The following CAMKMT variants were observed in gnomAD, a reference collection of about 807,000 sequenced individuals.
The protein encoded by CAMKMT is CaM KMT.
A neutral mutation model predicts 48.0 loss-of-function variants in CAMKMT; 53 were observed. That is an observed-to-expected ratio of 1.10 (90% CI 0.89 to 1.39). CAMKMT has a LOEUF of 1.39. CAMKMT is among the 40% of genes most tolerant of loss of function. The pLI, the probability that CAMKMT is intolerant of heterozygous loss-of-function variation, is 0.00. For synonymous variants in CAMKMT, 165 were observed against 152.3 expected (o/e 1.08, Z -0.61); for missense variants, 428 against 402.7 (o/e 1.06, Z -0.54).
chr2:44,766,667 A>G (rs1190914318), intron 10 of CAMKMT, 106 bp downstream of exon 10: 1 of 1,216,524 alleles, frequency 8.2e-7, no homozygotes, highest in Non-Finnish European at 1.2e-6. Flanking sequence ...AGTACTCCTT[A>G]GATGTGTTGC....
At chr2:44,525,336 A>G (rs886289676) in intron 3 of CAMKMT, among the ~76,000 whole-genome samples, 2 of 151,984 alleles carry the variant, frequency 1.3e-5, no homozygotes, top group African/African-American at 2.4e-5. Flanking sequence ...GCTCACTGCA[A>G]CCTCTGCCTC....
intron 3 of CAMKMT, among the ~76,000 whole-genome samples, chr2:44,429,664 G>T (rs1375001200): frequency 6.6e-6 from 1 of 151,756 alleles, no homozygotes; most frequent in Non-Finnish European, 1.5e-5. Context: ...AGCCGGGCGC[G>T]GTGGCGGGCG....
At chr2:44,718,930 C>G (rs1350168984) in intron 7 of CAMKMT, among the ~76,000 whole-genome samples, 1 of 152,084 alleles carries the variant, frequency 6.6e-6, no homozygotes, top group Non-Finnish European at 1.5e-5. Flanking sequence ...GGTTATTGGT[C>G]CCATTGCCCT....
chr2:44,497,727 G>C (rs1669820396), intron 3 of CAMKMT, among the ~76,000 whole-genome samples: 1 of 151,790 alleles, frequency 6.6e-6, no homozygotes, highest in Non-Finnish European at 1.5e-5. Context: ...GAGAGAGAGA[G>C]AGAGAGAGAG....
intron 3 of CAMKMT, among the ~76,000 whole-genome samples, chr2:44,476,369 T>C (rs1030426241): frequency 6.6e-6 from 1 of 152,176 alleles, no homozygotes; most frequent in Non-Finnish European, 1.5e-5. Context: ...TTCTACAGTT[T>C]TGCATAGTAT....
intron 3 of CAMKMT, among the ~76,000 whole-genome samples, chr2:44,532,575 A>C (rs936039): frequency 0.7 from 105,653 of 151,988 alleles, 37,325 homozygotes; most frequent in South Asian, 0.76. Context: ...CTGGGGAAAA[A>C]TGGCATGGAA....
intron 2 of CAMKMT, among the ~76,000 whole-genome samples, chr2:44,389,792 T>G (rs1312500114): frequency 6.6e-6 from 1 of 152,202 alleles, no homozygotes; most frequent in Non-Finnish European, 1.5e-5. Flanking sequence ...GTAGATGGAA[T>G]AGCAGACCTG....
At chr2:44,672,855 A>G (rs1573042029) in intron 3 of CAMKMT, among the ~76,000 whole-genome samples, 1 of 152,108 alleles carries the variant, frequency 6.6e-6, no homozygotes, top group Admixed American at 6.6e-5. Context: ...TATTAGTTTG[A>G]GGGTTAGATG....
At chr2:44,701,945 T>A (rs192016448) in intron 3 of CAMKMT, among the ~76,000 whole-genome samples, 29 of 152,262 alleles carry the variant, frequency 1.9e-4, no homozygotes, top group Admixed American at 1.4e-3. Context: ...AGTGATTATA[T>A]CCTAGTGGTC....
rs114375550 is a variant in CAMKMT, at chr2:44,517,595, T to A, written c.376+127290T>A. Among the ~76,000 whole-genome samples, 1,139 of 152,350 alleles carry A rather than the reference T, an allele frequency of 7.5e-3. 16 individuals are homozygous for A. The highest frequency in any genetic ancestry group is 0.026 in the African/African-American group (1,096 of 41,580). On this transcript the variant is annotated intron_variant, in intron 3 of 10. Transcript: ENST00000378494. ...GAGTATAGTGAGGACTGTCCAGCCT[T>A]TCTGCAATCTCCAAGTAATCAGAAA...
chr2:44,623,027 G>A (rs867613927), intron 3 of CAMKMT, among the ~76,000 whole-genome samples: 1 of 152,062 alleles, frequency 6.6e-6, no homozygotes, highest in Non-Finnish European at 1.5e-5. Flanking sequence ...AACAAAAGCT[G>A]TTCTGACCAG....
intron 7 of CAMKMT, among the ~76,000 whole-genome samples, chr2:44,724,816 G>C (rs1462964178): frequency 2.0e-5 from 3 of 152,176 alleles, no homozygotes; most frequent in Non-Finnish European, 4.4e-5. Context: ...GATTCAACAA[G>C]AAGCACATAT....
chr2:44,578,974 G>A (rs984328819), intron 3 of CAMKMT, among the ~76,000 whole-genome samples: 2 of 152,174 alleles, frequency 1.3e-5, no homozygotes, highest in Admixed American at 6.5e-5. Flanking sequence ...CAAAGTTTAC[G>A]CAGTGGTGGA....
intron 3 of CAMKMT, among the ~76,000 whole-genome samples, chr2:44,643,815 A>C (rs1400723734): frequency 2.0e-5 from 3 of 152,206 alleles, no homozygotes; most frequent in Admixed American, 2.0e-4. Flanking sequence ...GAAAGACAAG[A>C]TGCTGGTATC....
At chr2:44,550,397 G>T (rs1257606703) in intron 3 of CAMKMT, among the ~76,000 whole-genome samples, 1 of 109,412 alleles carries the variant, frequency 9.1e-6, no homozygotes, top group Non-Finnish European at 2.0e-5. Flanking sequence ...CTCAAAAAAA[G>T]AAAAAAAAAA....
chr2:44,643,312 T>C (rs528653493), intron 3 of CAMKMT, among the ~76,000 whole-genome samples: 126 of 152,268 alleles, frequency 8.3e-4, no homozygotes, highest in African/African-American at 2.9e-3. Flanking sequence ...ATTAATTTAT[T>C]GAAACATTAA....
At chr2:44,532,978 A>G in intron 3 of CAMKMT, among the ~76,000 whole-genome samples, 1 of 148,948 alleles carries the variant, frequency 6.7e-6, no homozygotes, top group Non-Finnish European at 1.5e-5. Context: ...ACACCCGGCT[A>G]ATTTTTGTAT....
chr2:44,370,004 A>G (rs1264918249), intron 1 of CAMKMT: 1 of 152,170 alleles, frequency 6.6e-6, no homozygotes, highest in Non-Finnish European at 1.5e-5. Context: ...TATAAAATAG[A>G]AAGGTATCTT....
At chr2:44,756,741 CAAAAAA>C (rs772893331) in intron 9 of CAMKMT, among the ~76,000 whole-genome samples, 1 of 80,280 alleles carries the variant, frequency 1.2e-5, no homozygotes, top group African/African-American at 4.5e-5. Context: ...GACTCTGTCT[CAAAAAA>C]AAAAAAAAAG....
Sources: allele counts gnomAD v4.1 joint callset (sites outside exome capture counted in the v4.1 genomes callset), GRCh38; gene constraint gnomAD v4.1.1; transcripts MANE v1.5; gene names NCBI Gene and HGNC (gene_info 2026-07-23, HGNC 2026-07-21).